Variants in CNTNAP2 observed in about 807,000 individuals in gnomAD.
CNTNAP2 encodes contactin associated protein 2, also known as contactin-associated protein-like 2.
In CNTNAP2, 98 loss-of-function variants were observed where a neutral mutation model predicts 155.2. The observed-to-expected ratio is 0.63, with a 90% CI of 0.54 to 0.75. The LOEUF (loss-of-function observed/expected upper bound fraction) is 0.75, where lower values mean the gene tolerates loss of function less well. Among genes scored for constraint, CNTNAP2 ranks in the 30% least tolerant of loss-of-function variants. CNTNAP2 has a pLI of 0.00. For missense variants in CNTNAP2, 1,727 were observed against 1,688.1 expected (o/e 1.02, Z -0.40); for synonymous variants, 651 against 631.2 (o/e 1.03, Z -0.47).
chr7:146,774,207 A>T, intron 1 of CNTNAP2, 64 bp from the exon 2 acceptor site: 1 of 1,156,290 alleles, frequency 8.6e-7, no homozygotes, highest in South Asian at 1.3e-5. Context: ...TAACCAACAC[A>T]TACCAATCGT....
intron 15 of CNTNAP2, among the ~76,000 whole-genome samples, chr7:148,067,685 C>T (rs1000834230): frequency 1.3e-5 from 2 of 152,212 alleles, no homozygotes; most frequent in African/African-American, 4.8e-5. Flanking sequence ...TTGGGCTTCT[C>T]AGGTGATGGG....
intron 21 of CNTNAP2, among the ~76,000 whole-genome samples, chr7:148,274,256 C>A (rs975028363): frequency 1.3e-5 from 2 of 150,338 alleles, no homozygotes; most frequent in African/African-American, 2.4e-5. Flanking sequence ...ATAAAAAAAA[C>A]TCCTTGCTTT....
At chr7:146,405,174 CTTG>C (rs1469158305) in intron 1 of CNTNAP2, among the ~76,000 whole-genome samples, 3 of 152,122 alleles carry the variant, frequency 2.0e-5, no homozygotes, top group Non-Finnish European at 4.4e-5. Context: ...TCTAATGAGC[CTTG>C]TTGTTGTCCC....
At chr7:147,486,104 T>A in intron 11 of CNTNAP2, 63 bp downstream of exon 11, 1 of 1,416,286 alleles carries the variant, frequency 7.1e-7, no homozygotes, top group Non-Finnish European at 1.0e-6. Context: ...TCTTGAGCTG[T>A]GCTTTGAAGC....
chr7:147,281,296 T>G (rs1400544772), intron 8 of CNTNAP2, among the ~76,000 whole-genome samples: 1 of 151,862 alleles, frequency 6.6e-6, no homozygotes, highest in African/African-American at 2.4e-5. Context: ...GATATCTCCC[T>G]TGAAATAGGT....
chr7:147,115,999 GT>G (rs1800979841), intron 5 of CNTNAP2, among the ~76,000 whole-genome samples: 1 of 152,094 alleles, frequency 6.6e-6, no homozygotes, highest in South Asian at 2.1e-4. Context: ...GTTTTGTGGG[GT>G]TTGTTGTTGT....
chr7:146,326,268 T>G (rs145827874), intron 1 of CNTNAP2, among the ~76,000 whole-genome samples: 54 of 87,122 alleles, frequency 6.2e-4, no homozygotes, highest in African/African-American at 2.3e-3. Flanking sequence ...ACTGTTGCAT[T>G]AATTTTTCAC....
At chr7:147,176,751 ATATAAT>A (rs1165036433) in intron 8 of CNTNAP2, among the ~76,000 whole-genome samples, 1 of 120,298 alleles carries the variant, frequency 8.3e-6, no homozygotes, top group African/African-American at 3.3e-5. Context: ...TAATTATAAT[ATATAAT>A]TATAATTATA....
At chr7:148,025,217 C>CA (rs1802355003) in intron 15 of CNTNAP2, among the ~76,000 whole-genome samples, 1 of 152,174 alleles carries the variant, frequency 6.6e-6, no homozygotes, top group African/African-American at 2.4e-5. Context: ...TCCATATGGT[C>CA]AAAACCTAAG....
chr7:146,795,864 T>C (rs1160350778), intron 2 of CNTNAP2, among the ~76,000 whole-genome samples: 1 of 152,208 alleles, frequency 6.6e-6, no homozygotes. Context: ...AGAAGCAGTG[T>C]GTATTGTATA....
chr7:146,301,440 T>A (rs1181494793), intron 1 of CNTNAP2, among the ~76,000 whole-genome samples: 1 of 151,728 alleles, frequency 6.6e-6, no homozygotes, highest in Non-Finnish European at 1.5e-5. Flanking sequence ...ATGGCTAACA[T>A]GGTGAAACCC....
At chr7:146,351,964 A>G (rs879335691) in intron 1 of CNTNAP2, among the ~76,000 whole-genome samples, 1 of 152,196 alleles carries the variant, frequency 6.6e-6, no homozygotes, top group African/African-American at 2.4e-5. Context: ...CTTGCTAAAT[A>G]TTGGTCTGTG....
At chr7:146,918,783 T>C (rs1222770720) in intron 3 of CNTNAP2, among the ~76,000 whole-genome samples, 1 of 152,258 alleles carries the variant, frequency 6.6e-6, no homozygotes, top group Non-Finnish European at 1.5e-5. Flanking sequence ...TTTTCCAAAC[T>C]TTTAGATTTC....
At chr7:147,337,927 A>C (rs955654921) in intron 9 of CNTNAP2, among the ~76,000 whole-genome samples, 2 of 152,186 alleles carry the variant, frequency 1.3e-5, no homozygotes, top group Admixed American at 1.3e-4. Flanking sequence ...CTGCATGTCA[A>C]GAGAACTGAC....
At chr7:147,684,323 C>T (rs1795989631) in intron 13 of CNTNAP2, among the ~76,000 whole-genome samples, 1 of 151,748 alleles carries the variant, frequency 6.6e-6, no homozygotes, top group African/African-American at 2.4e-5. Context: ...GCTTTATCAC[C>T]ATGGATTTTA....
intron 11 of CNTNAP2, among the ~76,000 whole-genome samples, chr7:147,498,045 T>C (rs1038632619): frequency 6.6e-6 from 1 of 152,064 alleles, no homozygotes; most frequent in African/African-American, 2.4e-5. Context: ...TGGGATTGCA[T>C]GCGTATTAGA....
intron 12 of CNTNAP2, among the ~76,000 whole-genome samples, chr7:147,616,064 T>G (rs1279934316): frequency 2.0e-5 from 3 of 152,302 alleles, no homozygotes; most frequent in Non-Finnish European, 2.9e-5. Context: ...TGTTTCATTT[T>G]TTTTTCCCCC....
At chr7:146,456,279 G>A (rs1470225154) in intron 1 of CNTNAP2, among the ~76,000 whole-genome samples, 2 of 152,140 alleles carry the variant, frequency 1.3e-5, no homozygotes, top group African/African-American at 4.8e-5. Flanking sequence ...TTTCAGCAAA[G>A]CCAACTAGGA....
chr7:147,924,281 G>C (rs1365899872), intron 14 of CNTNAP2, among the ~76,000 whole-genome samples: 1 of 151,812 alleles, frequency 6.6e-6, no homozygotes, highest in Non-Finnish European at 1.5e-5. Flanking sequence ...TGGGATTACA[G>C]GCATGTACCA....
Sources: gnomAD v4.1 joint callset for allele counts (sites outside exome capture counted in the v4.1 genomes callset) on GRCh38, gnomAD v4.1.1 for gene constraint, MANE v1.5 for transcripts, NCBI Gene and HGNC (gene_info 2026-07-23, HGNC 2026-07-21) for gene names.